Variants in CCDC144A observed in about 807,000 individuals in gnomAD.
The protein encoded by CCDC144A is coiled-coil domain containing 144A, also known as coiled-coil domain-containing protein 144A.
Under a neutral mutation model 143.8 loss-of-function variants are expected in CCDC144A, and 41 were observed. The ratio of observed to expected loss-of-function variants is 0.29; its 90% CI spans 0.22 to 0.37. CCDC144A has a LOEUF of 0.37. CCDC144A is among the 10% of genes least tolerant of loss of function. The pLI, the probability that CCDC144A is intolerant of heterozygous loss-of-function variation, is 1.00. For missense variants in CCDC144A, 637 were observed against 1,488.8 expected (o/e 0.43, Z 9.41); for synonymous variants, 242 against 517.9 (o/e 0.47, Z 7.23).
chr17:16,759,996 C>T (rs1915286684), intron 12 of CCDC144A, among the ~76,000 whole-genome samples: 3 of 152,194 alleles, frequency 2.0e-5, no homozygotes, highest in Non-Finnish European at 4.4e-5. Context: ...GTGCGGCATT[C>T]GAAGCTGGCT....
chr17:16,680,452 G>A, the CCDC144A span, among the ~76,000 whole-genome samples: 3 of 151,840 alleles, frequency 2.0e-5, no homozygotes, highest in African/African-American at 7.3e-5. Flanking sequence ...AAATTTGGTT[G>A]ATGTAAGATA....
At chr17:16,692,290 G>A (rs1911135277) in intron 1 of CCDC144A, among the ~76,000 whole-genome samples, 2 of 149,938 alleles carry the variant, frequency 1.3e-5, no homozygotes, top group Admixed American at 6.7e-5. Flanking sequence ...TCTCCCCTTG[G>A]CGTGATTGAT....
intron 5 of CCDC144A, chr17:16,710,379 A>AAT (rs1414895352): frequency 6.6e-6 from 1 of 152,282 alleles, no homozygotes; most frequent in Non-Finnish European, 1.5e-5. Context: ...AAAAAAAAAA[A>AAT]AAAGAAAAGA....
At chr17:16,680,709 A>G in the CCDC144A span, among the ~76,000 whole-genome samples, 2 of 151,822 alleles carry the variant, frequency 1.3e-5, no homozygotes, top group Non-Finnish European at 2.9e-5. Flanking sequence ...AAGGAAATAA[A>G]ACAAAAAAAA....
chr17:16,753,428 G>GTTTTTTTT, intron 12 of CCDC144A, among the ~76,000 whole-genome samples: 165 of 57,334 alleles, frequency 2.9e-3, no homozygotes, highest in East Asian at 5.0e-3. Context: ...GTGTTTTGTA[G>GTTTTTTTT]TTTTTTTTTT....
the CCDC144A span, among the ~76,000 whole-genome samples, chr17:16,670,795 CA>C: frequency 3.7e-4 from 57 of 152,052 alleles, no homozygotes; most frequent in African/African-American, 1.3e-3. Context: ...AAATGTGAGC[CA>C]CCATCCCCCG....
the CCDC144A span, chr17:16,683,460 G>C: frequency 5.4e-6 from 7 of 1,299,432 alleles, no homozygotes; most frequent in Admixed American, 1.9e-5. Context: ...TGTCCCTGGC[G>C]GCAGAGTCGC....
At chr17:16,720,785 C>T (rs1913048891) in intron 8 of CCDC144A, 127 bp downstream of exon 8, 1 of 1,453,356 alleles carries the variant, frequency 6.9e-7, no homozygotes, top group African/African-American at 1.4e-5. Context: ...AAATAGAGAA[C>T]TAACTTATAC....
chr17:16,724,275 C>A (rs1230707762), intron 8 of CCDC144A, among the ~76,000 whole-genome samples: 1 of 151,954 alleles, frequency 6.6e-6, no homozygotes, highest in East Asian at 1.9e-4. Flanking sequence ...CAGTGGCTCA[C>A]GCCTGTAATC....
upstream of CCDC144A, among the ~76,000 whole-genome samples, chr17:16,685,540 C>A (rs1910748680): frequency 6.6e-6 from 1 of 151,818 alleles, no homozygotes; most frequent in African/African-American, 2.4e-5. Context: ...GCTACCACGC[C>A]TGGCTAATTT....
the CCDC144A span, among the ~76,000 whole-genome samples, chr17:16,668,265 A>G: frequency 3.9e-5 from 6 of 152,256 alleles, no homozygotes; most frequent in South Asian, 2.1e-4. Context: ...GCTGCGTTAC[A>G]AGCTTACGGA....
At chr17:16,690,777 C>A (rs552448758) in intron 1 of CCDC144A, 33 bp downstream of exon 1, 2 of 1,554,874 alleles carry the variant, frequency 1.3e-6, no homozygotes, top group South Asian at 2.4e-5. Flanking sequence ...GCCGTCCTGT[C>A]GGGGACACTG....
rs565088183 is a variant in CCDC144A at position 16,777,665 on chromosome 17, C to T, written c.*4032C>T. On this transcript the variant is annotated 3_prime_UTR_variant, in exon 17 of 17. Transcript: ENST00000399273. Reference sequence around the variant, plus strand: ...AAATTTAAAAATTCTTTGAACTGAACGATAATAGTGACACAACCTATCAAA... The same window carrying T: ...AAATTTAAAAATTCTTTGAACTGAATGATAATAGTGACACAACCTATCAAA... The T allele has an allele frequency of 8.0e-5, 11 of 136,780 alleles. No individual in the cohort carries two copies. The South Asian group carries it at 1.8e-3, about 22-fold the overall frequency. 8.5% of individuals were successfully genotyped at this position (136,780 alleles called of 1,614,324 possible).
intron 6 of CCDC144A, among the ~76,000 whole-genome samples, chr17:16,718,799 A>G (rs1912919344): frequency 1.5e-5 from 2 of 134,798 alleles, no homozygotes; most frequent in South Asian, 2.6e-4. Context: ...ACTGTTGACA[A>G]TCTATCAGAT....
rs149593103 is a variant in CCDC144A at position 16,754,191 on chromosome 17, T to C, written c.3373-7234T>C. ...CTTTTATGTTTCCCTCTTTATTTAC[T>C]TGAGTTTTCTCTTTTTTCTTGTTTA... On this transcript the variant is annotated intron_variant, in intron 12 of 16. Coordinates refer to ENST00000399273, the MANE Select transcript of CCDC144A (RefSeq NM_001382000.1). 5.1e-3 allele frequency among the ~76,000 whole-genome samples: 781 copies of C among 152,314 alleles called. 5 individuals are homozygous for C. Among genetic ancestry groups the C allele is most frequent in the African/African-American group, 0.018 (744 of 41,548 alleles).
the CCDC144A span, chr17:16,683,791 G>A: frequency 9.7e-6 from 14 of 1,449,368 alleles, no homozygotes; most frequent in Non-Finnish European, 1.2e-5. Context: ...ACATGAAGCC[G>A]AGCGTGAAGC....
At chr17:16,701,910 A>T (rs1911757598) in intron 2 of CCDC144A, among the ~76,000 whole-genome samples, 1 of 149,428 alleles carries the variant, frequency 6.7e-6, no homozygotes, top group Non-Finnish European at 1.5e-5. Flanking sequence ...GCTGGACTTT[A>T]TAAAACTAGA....
At chr17:16,690,793 CT>C in intron 1 of CCDC144A, 49 bp downstream of exon 1, 1 of 1,538,684 alleles carries the variant, frequency 6.5e-7, no homozygotes, top group Non-Finnish European at 8.8e-7. Flanking sequence ...CACTGGCTTT[CT>C]GGTGCCCGCA....
At chr17:16,679,092 G>C in the CCDC144A span, among the ~76,000 whole-genome samples, 1 of 151,696 alleles carries the variant, frequency 6.6e-6, no homozygotes, top group Non-Finnish European at 1.5e-5. Context: ...AGATGGCGGG[G>C]GGGGGTCTCA....
Sources: gnomAD v4.1 joint callset for allele counts (sites outside exome capture counted in the v4.1 genomes callset) on GRCh38, gnomAD v4.1.1 for gene constraint, MANE v1.5 for transcripts, NCBI Gene and HGNC (gene_info 2026-07-23, HGNC 2026-07-21) for gene names.